Variants in SLC12A1 observed in about 807,000 individuals in gnomAD.
The protein encoded by SLC12A1 is solute carrier family 12 member 1.
SLC12A1 carries 89 observed loss-of-function variants against 130.4 expected under a neutral mutation model. The ratio of observed to expected loss-of-function variants is 0.68; its 90% CI spans 0.58 to 0.81. The LOEUF is 0.81. SLC12A1 is among the 40% of genes least tolerant of loss of function. The pLI, the probability that SLC12A1 is intolerant of heterozygous loss-of-function variation, is 0.00. For missense variants in SLC12A1, 1,310 were observed against 1,336.4 expected (o/e 0.98, Z 0.31); for synonymous variants, 499 against 460.0 (o/e 1.08, Z -1.09).
At chr15:48,234,509 G>A (rs1166550486) in intron 8 of SLC12A1, among the ~76,000 whole-genome samples, 3 of 152,154 alleles carry the variant, frequency 2.0e-5, no homozygotes, top group African/African-American at 4.8e-5. Context: ...TTGGGAGGTC[G>A]AGGCAGGTGG....
intron 8 of SLC12A1, 48 bp downstream of exon 8, chr15:48,232,886 C>T (rs764000711): frequency 3.6e-6 from 4 of 1,117,476 alleles, no homozygotes; most frequent in Non-Finnish European, 4.1e-6. Flanking sequence ...TCTCCATTGC[C>T]CTCCTCATCA....
chr15:48,275,667 G>A (rs1043667765), intron 20 of SLC12A1, among the ~76,000 whole-genome samples: 5 of 152,188 alleles, frequency 3.3e-5, no homozygotes, highest in African/African-American at 1.2e-4. Flanking sequence ...TTGTAAAGGT[G>A]AGGACATGAG....
intron 17 of SLC12A1, among the ~76,000 whole-genome samples, chr15:48,265,921 C>T (rs2041826953): frequency 6.6e-6 from 1 of 152,040 alleles, no homozygotes; most frequent in African/African-American, 2.4e-5. Flanking sequence ...ATTGTATTAA[C>T]CCAGTGTGTC....
intron 25 of SLC12A1, 105 bp from the exon 26 acceptor site, chr15:48,301,210 C>T (rs1250841224): frequency 1.2e-6 from 1 of 807,140 alleles, no homozygotes; most frequent in Non-Finnish European, 2.1e-6. Context: ...AATTTTTATA[C>T]ATTTTTTAAG....
At chr15:48,268,116 T>C (rs1219142024) in intron 18 of SLC12A1, among the ~76,000 whole-genome samples, 2 of 152,182 alleles carry the variant, frequency 1.3e-5, no homozygotes, top group Non-Finnish European at 2.9e-5. Flanking sequence ...GGGCAGCTGC[T>C]AGACCAACTA....
rs766655588 is a variant in SLC12A1, at chr15:48,267,686, C to T, written c.2280C>T (p.Val760=). ...AVAADCFRDG[V]RSLLQASGLG... is the part of the protein sequence containing the mutation. ...CGGCAGACTGTTTCAGGGATGGTGTCCGAAGTCTTCTTCAGGTAAGGCTGC... is the reference window on the plus strand; with the variant it reads ...CGGCAGACTGTTTCAGGGATGGTGTTCGAAGTCTTCTTCAGGTAAGGCTGC... Residue 760 remains valine (V), a synonymous_variant, in exon 18 of 27, where the codon GTC becomes GTT. Transcript: ENST00000380993. 2 of 1,613,280 alleles carry T rather than the reference C, an allele frequency of 1.2e-6. No homozygotes were observed. Among genetic ancestry groups the T allele is most frequent in the Admixed American group, 3.3e-5 (2 of 59,992 alleles).
chr15:48,240,991 A>G (rs190840604), intron 9 of SLC12A1, among the ~76,000 whole-genome samples: 30 of 152,288 alleles, frequency 2.0e-4, no homozygotes, highest in Admixed American at 1.4e-3. Context: ...CATTGCAGAT[A>G]TTTCTGAACT....
At chr15:48,214,228 CCAGT>C (rs2041091242) in intron 2 of SLC12A1, among the ~76,000 whole-genome samples, 1 of 152,044 alleles carries the variant, frequency 6.6e-6, no homozygotes, top group Non-Finnish European at 1.5e-5. Context: ...GTACTCAGGG[CCAGT>C]TCCCCGGGGA....
chr15:48,288,132 G>C lies in SLC12A1; in HGVS notation c.2719G>C (p.Glu907Gln). ...CAGCACTCAATTTAAAAAGAAACAA[G>C]AAAAAGGCACAATTGATGTTTGGTG... The part of the protein sequence containing the change: ...EASTQFKKKQ[E>Q]KGTIDVWWLF... The change falls in exon 22 of 27, where the codon GAA becomes CAA. Residue 907 changes from glutamate (E) to glutamine (Q), a missense_variant. Glu to Gln is a conservative substitution (Grantham distance 29). Coordinates refer to ENST00000380993, the MANE Select transcript of SLC12A1 (RefSeq NM_000338.3). 6.2e-7 allele frequency: 1 copy of C among 1,610,240 alleles called. No homozygotes were observed. Among genetic ancestry groups the C allele is most frequent in the Non-Finnish European group, 8.5e-7 (1 of 1,178,226 alleles).
At chr15:48,288,263 GT>G in intron 22 of SLC12A1, 89 bp downstream of exon 22, 1 of 1,309,764 alleles carries the variant, frequency 7.6e-7, no homozygotes. Context: ...AACAATACTG[GT>G]TAAAGAATAA....
At chr15:48,229,423 G>A (rs546543852) in intron 6 of SLC12A1, 95 bp downstream of exon 6, 78 of 1,252,436 alleles carry the variant, frequency 6.2e-5, no homozygotes, top group Non-Finnish European at 8.2e-5. Flanking sequence ...AGCTAAATGA[G>A]AGGAAAAAAG....
chr15:48,207,947 T>C lies in SLC12A1; in HGVS notation c.228T>C (p.Ser76=), dbSNP rs2140999475. 1.2e-6 allele frequency: 2 copies of C among 1,614,000 alleles called. No homozygotes were observed. The highest frequency in any genetic ancestry group is 1.3e-5 in the African/African-American group (1 of 75,044). Residue 76 remains serine, a synonymous_variant, in exon 2 of 27, where the codon AGT becomes AGC. Transcript: ENST00000380993. ...NQECYDNFLQ[S]GETAKTDASF... Reference sequence around the variant, plus strand: ...AGTGCTATGACAATTTCCTCCAAAGTGGAGAAACTGCTAAAACAGATGCCA... The same window carrying C: ...AGTGCTATGACAATTTCCTCCAAAGCGGAGAAACTGCTAAAACAGATGCCA...
intron 26 of SLC12A1, 128 bp downstream of exon 26, chr15:48,301,510 G>GGGGGT: frequency 4.0e-6 from 2 of 497,246 alleles, no homozygotes; most frequent in East Asian, 5.2e-5. Context: ...TTTGGGGGGG[G>GGGGGT]GAACACGTGG....
chr15:48,294,821 T>C (rs2042158825), intron 24 of SLC12A1, among the ~76,000 whole-genome samples: 1 of 152,248 alleles, frequency 6.6e-6, no homozygotes, highest in South Asian at 2.1e-4. Context: ...GGGTAGTCAC[T>C]GTGTCTTCTA....
In SLC12A1 at chr15:48,291,809, A is replaced by C. The variant is rs1178013200; in HGVS notation, c.2905A>C (p.Lys969Gln). ...TTCCCTTCTGAGCAAATTTAGGATA[A>C]AATTTGCAGACATCCATATCATCGG... The part of the protein sequence containing the change: ...MASLLSKFRI[K>Q]FADIHIIGDI... Residue 969 changes from lysine to glutamine, a missense_variant, in exon 24 of 27, where the codon AAA becomes CAA. By Grantham distance (53) the Lys-to-Gln change is moderately conservative. Transcript: ENST00000380993. The C allele has an allele frequency of 1.9e-6, 3 of 1,569,680 alleles. No individual in the cohort carries two copies. Among genetic ancestry groups the C allele is most frequent in the African/African-American group, 2.7e-5 (2 of 74,136 alleles).
intron 19 of SLC12A1, among the ~76,000 whole-genome samples, chr15:48,271,290 A>T (rs2041896192): frequency 6.6e-6 from 1 of 152,178 alleles, no homozygotes. Context: ...CGGCAATGTT[A>T]GCTATGCCCA....
At chr15:48,250,864 A>C (rs2041640480) in intron 14 of SLC12A1, among the ~76,000 whole-genome samples, 1 of 152,234 alleles carries the variant, frequency 6.6e-6, no homozygotes, top group Admixed American at 6.5e-5. Context: ...CCCATTCATT[A>C]ACAAAAGGTG....
At chr15:48,237,304 G>C (rs535562220) in intron 9 of SLC12A1, 3 of 313,706 alleles carry the variant, frequency 9.6e-6, no homozygotes, top group Non-Finnish European at 1.8e-5. Context: ...GCAGAGTAGT[G>C]TATGTAATCC....
At position 48,255,904 on chromosome 15, in the gene SLC12A1, A is replaced by C. The variant is rs2041702009; in HGVS notation, c.2036A>C (p.Asn679Thr). ...ELTTVEDHVK[N>T]FRPQCIVLTG... ...ACCACAGTGGAAGACCACGTAAAAA[A>C]CTTCAGGTAAAGCTGGTGTCTCAGG... The change falls in exon 16 of 27, where the codon AAC (asparagine) becomes ACC (threonine). Residue 679 changes from asparagine (N) to threonine (T), a missense_variant. Physicochemically the swap from Asn to Thr is moderately conservative, Grantham distance 65. Coordinates refer to ENST00000380993, the MANE Select transcript of SLC12A1 (RefSeq NM_000338.3). The C allele has an allele frequency of 6.3e-7, 1 of 1,586,384 alleles. No homozygotes were observed. The highest frequency in any genetic ancestry group is 1.8e-5 in the Admixed American group (1 of 56,492).
Sources: gnomAD v4.1 joint callset for allele counts (sites outside exome capture counted in the v4.1 genomes callset) on GRCh38, gnomAD v4.1.1 for gene constraint, MANE v1.5 for transcripts, NCBI Gene and HGNC (gene_info 2026-07-23, HGNC 2026-07-21) for gene names.